The following KCNQ1OT1 variants were observed in gnomAD, a reference collection of about 807,000 sequenced individuals.
The protein encoded by KCNQ1OT1 is KCNQ1 antisense RNA 2 (non-protein coding).
Position 2,695,974 on chromosome 11 carries a change from A to G in KCNQ1OT1, n.4021T>C. 2.5e-6 allele frequency: 1 copy of G among 398,618 alleles called. No individual in the cohort carries two copies. The highest frequency in any genetic ancestry group is 4.4e-6 in the Non-Finnish European group (1 of 226,052). 24.7% of individuals were successfully genotyped at this position (398,618 alleles called of 1,614,324 possible). On this transcript the variant is annotated non_coding_transcript_exon_variant, in exon 1 of 1. Coordinates refer to ENST00000597346, the Ensembl canonical transcript of KCNQ1OT1. The surrounding 1 kb of genome is among the most constrained non-coding windows in gnomAD (Gnocchi z 5.2). ...CTCCTCAGCTTTAATTGTTTCAAATATCTTGTAATGAGTCATGGCAAAGTT... is the reference window on the plus strand; with the variant it reads ...CTCCTCAGCTTTAATTGTTTCAAATGTCTTGTAATGAGTCATGGCAAAGTT...
In KCNQ1OT1 at chr11:2,627,460, T is replaced by C. The variant is rs184645260; in HGVS notation, n.72535A>G. The C allele has an allele frequency of 5.5e-3, 2,211 of 398,528 alleles. 10 individuals are homozygous for C. Among genetic ancestry groups the C allele is most frequent in the Middle Eastern group, 0.021 (34 of 1,588 alleles). 24.7% of individuals were successfully genotyped at this position (398,528 alleles called of 1,614,324 possible). A position where few individuals can be genotyped will look rare whatever the true frequency, so the allele number is the denominator to read the frequency against. On this transcript the variant is annotated non_coding_transcript_exon_variant, in exon 1 of 1. Coordinates refer to ENST00000597346, the Ensembl canonical transcript of KCNQ1OT1. The surrounding 1 kb of genome is among the most constrained non-coding windows in gnomAD (Gnocchi z 4.9). ...ACCCTTCAACATTTCCTATTTCCCC[T>C]ACTCCCTGACCCCTAGTAACCACCC...
In KCNQ1OT1 at chr11:2,611,678, TTTA is replaced by T; in HGVS notation, n.88314_88316del. Reference sequence around the variant, plus strand: ...TAAGGCAGTCTGGCAATCTCTGCTCTTTATTGAGTTTTTAATTCACTTATATGT... The same window carrying T: ...TAAGGCAGTCTGGCAATCTCTGCTCTTTGAGTTTTTAATTCACTTATATGT... On this transcript the variant is annotated non_coding_transcript_exon_variant, in exon 1 of 1. Transcript: ENST00000597346. This position sits in a 1 kb window ranked among gnomAD's most constrained non-coding sequence, Gnocchi z 5.3. The T allele has an allele frequency of 2.5e-6, 1 of 398,616 alleles. No individual in the cohort carries two copies. 24.7% of individuals were successfully genotyped at this position (398,616 alleles called of 1,614,324 possible).
In KCNQ1OT1 at chr11:2,679,884, T is replaced by G; in HGVS notation, n.20111A>C. On this transcript the variant is annotated non_coding_transcript_exon_variant, in exon 1 of 1. Transcript: ENST00000597346. This position sits in a 1 kb window ranked among gnomAD's most constrained non-coding sequence, Gnocchi z 4.8. ...CATATAAACTTAGAACTAGCACGCCTAATTTTTTTTTTATTTTTATTTTTT... is the reference window on the plus strand; with the variant it reads ...CATATAAACTTAGAACTAGCACGCCGAATTTTTTTTTTATTTTTATTTTTT... 1 of 398,176 alleles carries G rather than the reference T, an allele frequency of 2.5e-6. No individual in the cohort carries two copies. The highest frequency in any genetic ancestry group is 4.4e-6 in the Non-Finnish European group (1 of 226,062). The allele number at this position is 398,176 out of a possible 1,614,324, so 24.7% of individuals were successfully genotyped here. A position where few individuals can be genotyped will look rare whatever the true frequency, so the allele number is the denominator to read the frequency against.
In KCNQ1OT1 at chr11:2,611,723, T is replaced by C; in HGVS notation, n.88272A>G. 1 of 398,586 alleles carries C rather than the reference T, an allele frequency of 2.5e-6. No homozygotes were observed. The highest frequency in any genetic ancestry group is 1.3e-4 in the South Asian group (1 of 7,856). 24.7% of individuals were successfully genotyped at this position (398,586 alleles called of 1,614,324 possible). A position where few individuals can be genotyped will look rare whatever the true frequency, so the allele number is the denominator to read the frequency against. On this transcript the variant is annotated non_coding_transcript_exon_variant, in exon 1 of 1. Transcript: ENST00000597346. The surrounding 1 kb of genome is among the most constrained non-coding windows in gnomAD (Gnocchi z 5.3). ...CTTATATGTAATATAATTATTGATA[T>C]GGAAGGATTTATATCTACCATGTTG...
At chr11:2,693,006 A>C (rs1850613688) in exon 1 of KCNQ1OT1, 2 of 398,670 alleles carry the variant, frequency 5.0e-6, no homozygotes, top group Non-Finnish European at 4.4e-6. Flanking sequence ...ATAAGCAAGC[A>C]CGCTCAGTGA....
rs563918666 is a variant in KCNQ1OT1 at position 2,624,775 on chromosome 11, T to C, written n.75220A>G. ...CCACCGCCATCTCTTGGAAACCACC[T>C]TGTACTTTCTATGTCTCTGATTTGA... On this transcript the variant is annotated non_coding_transcript_exon_variant, in exon 1 of 1. Coordinates refer to ENST00000597346, the Ensembl canonical transcript of KCNQ1OT1. This position sits in a 1 kb window ranked among gnomAD's most constrained non-coding sequence, Gnocchi z 4.9. The C allele has an allele frequency of 2.5e-6, 1 of 398,518 alleles. No individual in the cohort carries two copies. Among genetic ancestry groups the C allele is most frequent in the African/African-American group, 2.1e-5 (1 of 48,756 alleles). 24.7% of individuals were successfully genotyped at this position (398,518 alleles called of 1,614,324 possible).
chr11:2,663,943 A>G lies in KCNQ1OT1; in HGVS notation n.36052T>C. The G allele has an allele frequency of 7.5e-6, 3 of 398,670 alleles. No individual in the cohort carries two copies. Among genetic ancestry groups the G allele is most frequent in the Non-Finnish European group, 1.3e-5 (3 of 226,112 alleles). 24.7% of individuals were successfully genotyped at this position (398,670 alleles called of 1,614,324 possible). A position where few individuals can be genotyped will look rare whatever the true frequency, so the allele number is the denominator to read the frequency against. Reference sequence around the variant, plus strand: ...GGGCTGTTTCTTGTTCCACTCCAGGATGACAGGGCCTGAGAGACCTGAACA... The same window carrying G: ...GGGCTGTTTCTTGTTCCACTCCAGGGTGACAGGGCCTGAGAGACCTGAACA... On this transcript the variant is annotated non_coding_transcript_exon_variant, in exon 1 of 1. Transcript: ENST00000597346. This position sits in a 1 kb window ranked among gnomAD's most constrained non-coding sequence, Gnocchi z 5.2.
In KCNQ1OT1 at chr11:2,611,445, C is replaced by T. The variant is rs895739485; in HGVS notation, n.88550G>A. ...CAGGCTGGTCTTGAACTCCTGACCT[C>T]GAGTGATCTGTCTGCCTCAGCCTCC... is the stretch of plus-strand genomic sequence containing the variant. On this transcript the variant is annotated non_coding_transcript_exon_variant, in exon 1 of 1. Coordinates refer to ENST00000597346, the Ensembl canonical transcript of KCNQ1OT1. The surrounding 1 kb of genome is among the most constrained non-coding windows in gnomAD (Gnocchi z 5.3). 4 of 397,792 alleles carry T rather than the reference C, an allele frequency of 1.0e-5. No individual in the cohort carries two copies. Among genetic ancestry groups the T allele is most frequent in the African/African-American group, 2.1e-5 (1 of 48,724 alleles). The allele number at this position is 397,792 out of a possible 1,614,324, so 24.6% of individuals were successfully genotyped here.
In KCNQ1OT1 at chr11:2,670,679, C is replaced by G. The variant is rs1401172999; in HGVS notation, n.29316G>C. The G allele has an allele frequency of 5.0e-6, 2 of 398,592 alleles. No individual in the cohort carries two copies. The highest frequency in any genetic ancestry group is 8.8e-6 in the Non-Finnish European group (2 of 226,114). 24.7% of individuals were successfully genotyped at this position (398,592 alleles called of 1,614,324 possible). ...GAAGATTGGTAGGAAGGCAGTGTAG[C>G]AGTAACAAGACAAAGGGATTCTGTG... On this transcript the variant is annotated non_coding_transcript_exon_variant, in exon 1 of 1. Transcript: ENST00000597346. The surrounding 1 kb of genome is among the most constrained non-coding windows in gnomAD (Gnocchi z 4.9).
rs992900161 is a variant in KCNQ1OT1 at position 2,647,229 on chromosome 11, G to A, written n.52766C>T. On this transcript the variant is annotated non_coding_transcript_exon_variant, in exon 1 of 1. Transcript: ENST00000597346. The surrounding 1 kb of genome is among the most constrained non-coding windows in gnomAD (Gnocchi z 4.0). ...ATGCTTTTTCTGCATCTATTGAGAT[G>A]ATCATGTATTTTTTTGTCCTTCCTT... The A allele has an allele frequency of 2.0e-5, 8 of 398,222 alleles. No individual in the cohort carries two copies. The highest frequency in any genetic ancestry group is 4.1e-5 in the African/African-American group (2 of 48,598). The allele number at this position is 398,222 out of a possible 1,614,324, so 24.7% of individuals were successfully genotyped here.
At position 2,687,122 on chromosome 11, in the gene KCNQ1OT1, C is replaced by T; in HGVS notation, n.12873G>A. ...CAAGTACACCTTGACACACAAACTG[C>T]ACAGGGAGGGGAGGAATCTGAGCCA... On this transcript the variant is annotated non_coding_transcript_exon_variant, in exon 1 of 1. Transcript: ENST00000597346. This position sits in a 1 kb window ranked among gnomAD's most constrained non-coding sequence, Gnocchi z 5.0. 2.5e-6 allele frequency: 1 copy of T among 398,644 alleles called. No individual in the cohort carries two copies. The highest frequency in any genetic ancestry group is 4.4e-6 in the Non-Finnish European group (1 of 226,086). The allele number at this position is 398,644 out of a possible 1,614,324, so 24.7% of individuals were successfully genotyped here. A position where few individuals can be genotyped will look rare whatever the true frequency, so the allele number is the denominator to read the frequency against.
chr11:2,641,634 C>T (rs2065768254), exon 1 of KCNQ1OT1: 1 of 398,226 alleles, frequency 2.5e-6, no homozygotes, highest in South Asian at 1.3e-4. Flanking sequence ...CAAGCTTTAT[C>T]ATTTAATATA....
At chr11:2,684,646 G>C in exon 1 of KCNQ1OT1, 2 of 398,650 alleles carry the variant, frequency 5.0e-6, no homozygotes, top group Non-Finnish European at 8.8e-6. Flanking sequence ...AGAAGGAACA[G>C]GAAAGAAAGG....
chr11:2,699,693 G>A (rs1424254747), exon 1 of KCNQ1OT1: 1 of 350,810 alleles, frequency 2.9e-6, no homozygotes, highest in African/African-American at 2.2e-5. Flanking sequence ...AGCCCCGGGT[G>A]CCCCGAGGAG....
chr11:2,643,798 G>C (rs1330404548), exon 1 of KCNQ1OT1: 2 of 398,558 alleles, frequency 5.0e-6, no homozygotes, highest in Non-Finnish European at 8.8e-6. Context: ...TTAATTCCCT[G>C]AGCTTTTACT....
At chr11:2,672,017 G>T (rs1411064096) in exon 1 of KCNQ1OT1, 1 of 398,540 alleles carries the variant, frequency 2.5e-6, no homozygotes. Context: ...TGTTGGGCTT[G>T]TCTCCCTACC....
exon 1 of KCNQ1OT1, chr11:2,635,750 T>C (rs941495256): frequency 3.2e-4 from 49 of 152,214 alleles, no homozygotes; most frequent in Non-Finnish European, 1.6e-4. Context: ...GGGGATGGCA[T>C]TGAATTTATA....
At chr11:2,680,187 T>C (rs1850368206) in exon 1 of KCNQ1OT1, 1 of 391,120 alleles carries the variant, frequency 2.6e-6, no homozygotes, top group Non-Finnish European at 4.4e-6. Context: ...CCAATGCACC[T>C]GGCCTCAGCT....
In KCNQ1OT1 at chr11:2,674,986, C is replaced by T. The variant is rs1467734800; in HGVS notation, n.25009G>A. Reference sequence around the variant, plus strand: ...TTCTCTTCGTTTCCTCTTACAGTGGCGGGCACTCAGCCGGCTTCTTCCCGC... The same window carrying T: ...TTCTCTTCGTTTCCTCTTACAGTGGTGGGCACTCAGCCGGCTTCTTCCCGC... On this transcript the variant is annotated non_coding_transcript_exon_variant, in exon 1 of 1. Transcript: ENST00000597346. The surrounding 1 kb of genome is among the most constrained non-coding windows in gnomAD (Gnocchi z 5.9). 1.0e-5 allele frequency: 4 copies of T among 398,402 alleles called. No individual in the cohort carries two copies. Among genetic ancestry groups the T allele is most frequent in the East Asian group, 7.1e-5 (2 of 28,080 alleles). The allele number at this position is 398,402 out of a possible 1,614,324, so 24.7% of individuals were successfully genotyped here.
Sources: gnomAD v4.1 joint callset for allele counts on GRCh38, gnomAD v4.1.1 for gene constraint, Gnocchi (gnomAD v3.1) non-coding constraint, MANE v1.5 for transcripts, NCBI Gene and HGNC (gene_info 2026-07-23, HGNC 2026-07-21) for gene names.